DCP1A: variants seen among roughly 807,000 people sequenced by gnomAD.
DCP1A encodes decapping mRNA 1A, also known as mRNA-decapping enzyme 1A.
In DCP1A, 20 loss-of-function variants were observed where a neutral mutation model predicts 58.0. The observed-to-expected ratio is 0.34, with a 90% confidence interval of 0.24 to 0.50. DCP1A has a LOEUF of 0.50. Among genes scored for constraint, DCP1A ranks in the 20% least tolerant of loss-of-function variants. DCP1A has a pLI of 0.98. For synonymous variants in DCP1A, 285 were observed against 275.1 expected, an observed-to-expected ratio of 1.04 and a Z score of -0.36; for missense variants, 613 against 712.2, an observed-to-expected ratio of 0.86 and a Z score of 1.59.
chr3:53,291,502 T>A (rs1706874691), intron 7 of DCP1A, among the ~76,000 whole-genome samples: 1 of 151,866 alleles, frequency 6.6e-6, no homozygotes, highest in Non-Finnish European at 1.5e-5. Context: ...CAGCCTCTGG[T>A]AACCATCCTT....
At chr3:53,321,545 C>A (rs571026189) in intron 3 of DCP1A, among the ~76,000 whole-genome samples, 2 of 152,096 alleles carry the variant, frequency 1.3e-5, no homozygotes, top group African/African-American at 4.8e-5. Flanking sequence ...CATGGTGAAA[C>A]CCCGTCTCTA....
At chr3:53,304,808 C>T (rs1553687845) in intron 5 of DCP1A, among the ~76,000 whole-genome samples, 1 of 151,786 alleles carries the variant, frequency 6.6e-6, no homozygotes, top group Non-Finnish European at 1.5e-5. Context: ...TGGTCTCAAA[C>T]TCCTGACCTT....
intron 4 of DCP1A, among the ~76,000 whole-genome samples, chr3:53,319,196 G>T (rs1707893015): frequency 1.3e-5 from 2 of 152,058 alleles, no homozygotes; most frequent in African/African-American, 2.4e-5. Flanking sequence ...AAAGAAGGAA[G>T]ACTGGAAGGA....
In DCP1A at chr3:53,285,778, G is replaced by A. The variant is rs1553685041; in HGVS notation, c.*1802C>T. The A allele has an allele frequency of 6.6e-6, 1 of 152,088 alleles. No individual in the cohort carries two copies. The highest frequency in any genetic ancestry group is 1.5e-5 in the Non-Finnish European group (1 of 68,022). 9.4% of individuals were successfully genotyped at this position (152,088 alleles called of 1,614,324 possible). A position where few individuals can be genotyped will look rare whatever the true frequency, so the allele number is the denominator to read the frequency against. On this transcript the variant is annotated 3_prime_UTR_variant, in exon 10 of 10. Transcript: ENST00000610213. ...CACCTACTGGTGCGTCCACTTTATG[G>A]AAGTCACGTGGCTCCCTGGACACCA...
chr3:53,334,325 C>T (rs1467877298), intron 3 of DCP1A, among the ~76,000 whole-genome samples: 3 of 152,004 alleles, frequency 2.0e-5, no homozygotes, highest in South Asian at 2.1e-4. Flanking sequence ...TAGGCAAATT[C>T]TATATGTTTA....
chr3:53,336,815 G>C (rs141793910), intron 3 of DCP1A, among the ~76,000 whole-genome samples: 291 of 152,040 alleles, frequency 1.9e-3, no homozygotes, highest in African/African-American at 6.7e-3. Context: ...TATTTTTTAG[G>C]AAGACATCTT....
intron 6 of DCP1A, among the ~76,000 whole-genome samples, chr3:53,303,728 T>C (rs1394282950): frequency 6.6e-6 from 1 of 152,034 alleles, no homozygotes; most frequent in African/African-American, 2.4e-5. Flanking sequence ...CTGGCACATT[T>C]GGGGAAAGAC....
chr3:53,315,877 C>T (rs1707796299), intron 4 of DCP1A, among the ~76,000 whole-genome samples: 1 of 151,046 alleles, frequency 6.6e-6, no homozygotes, highest in Non-Finnish European at 1.5e-5. Flanking sequence ...CCTCAGCCTC[C>T]TGAGTAGCTG....
At chr3:53,314,463 A>C (rs1387493228) in intron 4 of DCP1A, among the ~76,000 whole-genome samples, 1 of 152,154 alleles carries the variant, frequency 6.6e-6, no homozygotes, top group Non-Finnish European at 1.5e-5. Flanking sequence ...ACCAAACATG[A>C]ATTGTTTATT....
intron 3 of DCP1A, among the ~76,000 whole-genome samples, chr3:53,336,845 G>T (rs2089124444): frequency 6.9e-6 from 1 of 144,212 alleles, no homozygotes; most frequent in African/African-American, 2.6e-5. Flanking sequence ...CCAAAGCCCA[G>T]ATTTATTTAT....
chr3:53,300,427 T>C (rs565355031), intron 6 of DCP1A, among the ~76,000 whole-genome samples: 35 of 149,444 alleles, frequency 2.3e-4, no homozygotes, highest in African/African-American at 8.7e-4. Context: ...AACCTCCGCC[T>C]CCCGGGTTCA....
Position 53,288,210 on chromosome 3 carries a change from T to C in DCP1A, c.1523A>G (p.Gln508Arg), listed in dbSNP as rs1333116710. 1 of 1,613,894 alleles carries C rather than the reference T, an allele frequency of 6.2e-7. No individual in the cohort carries two copies. The highest frequency in any genetic ancestry group is 8.5e-7 in the Non-Finnish European group (1 of 1,179,892). ...GTCCGAAGATCTTGTAACTGTCTGC[T>C]GGAAAACACTTGGGGCCAGCAGGAC... ...SSVLLAPSVF[Q>R]QTVTRSSDLE... The change falls in exon 9 of 10, where the codon CAG (glutamine) becomes CGG (arginine). Residue 508 changes from glutamine to arginine, a missense_variant. Physicochemically the swap from Gln to Arg is conservative, Grantham distance 43 (BLOSUM62 1). This residue lies in a region of DCP1A where 498 missense variants were observed against 556.7 expected (regional missense o/e 0.89). Coordinates refer to ENST00000610213, the MANE Select transcript of DCP1A (RefSeq NM_018403.7).
intron 4 of DCP1A, among the ~76,000 whole-genome samples, chr3:53,319,061 CATAA>C (rs1211312118): frequency 6.6e-6 from 1 of 152,110 alleles, no homozygotes; most frequent in Non-Finnish European, 1.5e-5. Context: ...ATGCAGCTGT[CATAA>C]ATACTACAGA....
intron 3 of DCP1A, among the ~76,000 whole-genome samples, chr3:53,322,223 C>A (rs1173531373): frequency 6.6e-6 from 1 of 152,016 alleles, no homozygotes; most frequent in African/African-American, 2.4e-5. Context: ...AAGGCCAAGG[C>A]GGGTGGATCA....
chr3:53,323,116 G>A (rs780127215), intron 3 of DCP1A, among the ~76,000 whole-genome samples: 8 of 152,110 alleles, frequency 5.3e-5, no homozygotes, highest in Non-Finnish European at 1.2e-4. Context: ...GAGCCACCGC[G>A]CCCGGCCGAG....
chr3:53,319,216 G>A (rs1707893478), intron 4 of DCP1A, among the ~76,000 whole-genome samples, 191 bp downstream of exon 4: 1 of 152,152 alleles, frequency 6.6e-6, no homozygotes, highest in Non-Finnish European at 1.5e-5. Context: ...AAACTGAAAT[G>A]CACACTGGGA....
chr3:53,309,067 T>C (rs1483105010), intron 5 of DCP1A, among the ~76,000 whole-genome samples: 2 of 152,130 alleles, frequency 1.3e-5, no homozygotes, highest in African/African-American at 4.8e-5. Flanking sequence ...TATCTTTCTT[T>C]ACATAAAAAA....
chr3:53,298,951 G>C (rs1379876732), intron 6 of DCP1A, among the ~76,000 whole-genome samples: 1 of 152,236 alleles, frequency 6.6e-6, no homozygotes, highest in African/African-American at 2.4e-5. Flanking sequence ...GTGCTGCACA[G>C]GTCTGTAGCC....
Position 53,292,419 on chromosome 3 carries a change from C to G in DCP1A, c.1033G>C (p.Val345Leu). Residue 345 changes from valine to leucine, a missense_variant, in exon 7 of 10, where the codon GTG (valine) becomes CTG (leucine). Transcript: ENST00000610213. Reference protein sequence around the residue: ...LPRNSTMMQAVKTTPRQRSPL... With the variant: ...LPRNSTMMQALKTTPRQRSPL... ...GACCTCTGTCTAGGCGTGGTCTTCA[C>G]TGCCTGCATCATGGTGCTGTTTCGA... The G allele has an allele frequency of 1.2e-6, 2 of 1,613,994 alleles. No homozygotes were observed. Among genetic ancestry groups the G allele is most frequent in the Non-Finnish European group, 1.7e-6 (2 of 1,179,880 alleles).
Sources: gnomAD v4.1 joint callset for allele counts (sites outside exome capture counted in the v4.1 genomes callset) on GRCh38, gnomAD v4.1.1 for gene constraint, gnomAD v4.1.1 regional missense constraint, MANE v1.5 for transcripts, NCBI Gene and HGNC (gene_info 2026-07-23, HGNC 2026-07-21) for gene names.